Variants in NOCT observed in about 807,000 individuals in gnomAD.
The protein encoded by NOCT is CCR4 carbon catabolite repression 4-like.
Under a neutral mutation model 35.0 loss-of-function variants are expected in NOCT, and 18 were observed. The observed-to-expected ratio is 0.51, with a 90% CI of 0.36 to 0.76. The LOEUF (loss-of-function observed/expected upper bound fraction) is 0.76. Ranked by LOEUF, NOCT falls within the 30% of genes least tolerant of loss-of-function variation. The probability of loss-of-function intolerance (pLI) is 0.01; values close to 1 mark genes in which losing one functional copy is unlikely to be tolerated. For synonymous variants in NOCT, 235 were observed against 226.3 expected (o/e 1.04, Z -0.34); for missense variants, 479 against 541.0 (o/e 0.89, Z 1.14).
intron 1 of NOCT, among the ~76,000 whole-genome samples, chr4:139,037,060 A>C (rs1726748968): frequency 2.6e-5 from 4 of 152,178 alleles, no homozygotes; most frequent in Non-Finnish European, 5.9e-5. Flanking sequence ...CAGGTACTTT[A>C]GTATTAGAGG....
In NOCT at chr4:139,044,731, G is replaced by A; in HGVS notation, c.553G>A (p.Ala185Thr). The change falls in exon 3 of 3, where the codon GCC (alanine) becomes ACC (threonine). Residue 185 changes from alanine (A) to threonine (T), a missense_variant. This residue lies in a region of NOCT where 265 missense variants were observed against 257.0 expected (regional missense o/e 1.03). Coordinates refer to ENST00000280614, the MANE Select transcript of NOCT (RefSeq NM_012118.4). ...ATGTCTCATCCTGGAAGAAATCCTG[G>A]CCTACCAGCCTGATATATTGTGCCT... ...RKCLILEEIL[A>T]YQPDILCLQE... 6.2e-7 allele frequency: 1 copy of A among 1,614,142 alleles called. No individual in the cohort carries two copies. Among genetic ancestry groups the A allele is most frequent in the African/African-American group, 1.3e-5 (1 of 75,032 alleles).
At chr4:139,016,397 A>G (rs1212826158) in intron 1 of NOCT, among the ~76,000 whole-genome samples, 1 of 151,942 alleles carries the variant, frequency 6.6e-6, no homozygotes, top group Admixed American at 6.6e-5. Flanking sequence ...GGGAGACTGT[A>G]TTCAGGTTCC....
intron 1 of NOCT, among the ~76,000 whole-genome samples, chr4:139,026,456 G>C (rs1726517293): frequency 1.3e-5 from 2 of 152,136 alleles, no homozygotes; most frequent in South Asian, 4.1e-4. Flanking sequence ...TCAAACCCCT[G>C]GGTTTAAGGG....
At chr4:139,034,402 T>G (rs2148645597) in intron 1 of NOCT, among the ~76,000 whole-genome samples, 1 of 152,308 alleles carries the variant, frequency 6.6e-6, no homozygotes, top group South Asian at 2.1e-4. Context: ...CCCTCAGTCT[T>G]CAGTCTTCTT....
intron 1 of NOCT, among the ~76,000 whole-genome samples, chr4:139,034,232 C>T (rs1726683709): frequency 6.6e-6 from 1 of 151,896 alleles, no homozygotes; most frequent in Non-Finnish European, 1.5e-5. Context: ...CCACCCCCCA[C>T]CTTATTGGTA....
intron 1 of NOCT, among the ~76,000 whole-genome samples, chr4:139,042,494 A>G (rs898625402): frequency 2.0e-5 from 3 of 152,232 alleles, no homozygotes; most frequent in African/African-American, 7.2e-5. Context: ...CATCAAGATC[A>G]AAGTATTTCT....
At chr4:139,043,449 C>A in intron 2 of NOCT, 106 bp downstream of exon 2, 1 of 1,100,678 alleles carries the variant, frequency 9.1e-7, no homozygotes, top group Non-Finnish European at 1.4e-6. Flanking sequence ...GAGGTGTGGG[C>A]AGATGGAGGT....
chr4:139,027,541 C>T (rs1408896325), intron 1 of NOCT, among the ~76,000 whole-genome samples: 5 of 151,934 alleles, frequency 3.3e-5, no homozygotes, highest in African/African-American at 4.8e-5. Flanking sequence ...GCTCTGTCGC[C>T]CAGGCTGGAG....
intron 1 of NOCT, among the ~76,000 whole-genome samples, chr4:139,036,547 T>G (rs1218612817): frequency 3.9e-5 from 6 of 152,224 alleles, no homozygotes; most frequent in Non-Finnish European, 8.8e-5. Context: ...CGAAGTCCTT[T>G]TCTGGTTACT....
chr4:139,037,224 T>G (rs978572992), intron 1 of NOCT, among the ~76,000 whole-genome samples: 2 of 152,172 alleles, frequency 1.3e-5, no homozygotes, highest in Non-Finnish European at 2.9e-5. Context: ...ACCTAGTCTC[T>G]TATTCAAAAT....
At chr4:139,028,805 A>T (rs532438029) in intron 1 of NOCT, among the ~76,000 whole-genome samples, 1 of 152,296 alleles carries the variant, frequency 6.6e-6, no homozygotes, top group South Asian at 2.1e-4. Context: ...AGTCTGGCAC[A>T]TTATCTCGAA....
Position 139,045,297 on chromosome 4 carries a change from G to A in NOCT, c.1119G>A (p.Arg373=). The stretch of plus-strand genomic sequence containing the variant: ...AGATCCGGACCTCAGGGGAGTGCAG[G>A]CACACCCTGGATTACATCTGGTATT... ...TWKIRTSGEC[R]HTLDYIWYSK... The change falls in exon 3 of 3, where the codon AGG becomes AGA. Residue 373 remains arginine (R), a synonymous_variant. Transcript: ENST00000280614. The A allele has an allele frequency of 6.2e-7, 1 of 1,614,086 alleles. No homozygotes were observed. Among genetic ancestry groups the A allele is most frequent in the Non-Finnish European group, 8.5e-7 (1 of 1,180,014 alleles).
At chr4:139,030,288 G>C (rs1288985382) in intron 1 of NOCT, among the ~76,000 whole-genome samples, 1 of 152,162 alleles carries the variant, frequency 6.6e-6, no homozygotes, top group Non-Finnish European at 1.5e-5. Flanking sequence ...GCAGGTAACT[G>C]GTTACAGCAA....
chr4:139,034,586 G>T (rs77447022), intron 1 of NOCT, among the ~76,000 whole-genome samples: 27,805 of 151,832 alleles, frequency 0.18, 2,799 homozygotes, highest in South Asian at 0.32. Flanking sequence ...TGTGGTGGTG[G>T]TGGTGAAAGG....
chr4:139,037,884 C>CA (rs770715657), intron 1 of NOCT, among the ~76,000 whole-genome samples: 1 of 147,018 alleles, frequency 6.8e-6, no homozygotes, highest in Non-Finnish European at 1.5e-5. Context: ...GAGGCCCTTA[C>CA]AAAAAACAGG....
chr4:139,029,748 T>C (rs1726592904), intron 1 of NOCT, among the ~76,000 whole-genome samples: 1 of 152,184 alleles, frequency 6.6e-6, no homozygotes, highest in South Asian at 2.1e-4. Flanking sequence ...TGGAAATTCA[T>C]GTCATATAAG....
chr4:139,026,106 T>A (rs977895473), intron 1 of NOCT, among the ~76,000 whole-genome samples: 2 of 152,168 alleles, frequency 1.3e-5, no homozygotes, highest in African/African-American at 4.8e-5. Context: ...CAATTTTATT[T>A]TTTATTTATT....
intron 1 of NOCT, among the ~76,000 whole-genome samples, chr4:139,027,538 C>T (rs972922596): frequency 4.3e-4 from 65 of 151,778 alleles, no homozygotes; most frequent in African/African-American, 1.4e-3. Context: ...CTGGCTCTGT[C>T]GCCCAGGCTG....
At chr4:139,043,859 G>A (rs1359914759) in intron 2 of NOCT, 10 of 153,248 alleles carry the variant, frequency 6.5e-5, no homozygotes, top group Non-Finnish European at 1.5e-4. Flanking sequence ...TGGTTGCAGT[G>A]AGCTGAGATT....
Sources: allele counts gnomAD v4.1 joint callset (sites outside exome capture counted in the v4.1 genomes callset), GRCh38; gene constraint gnomAD v4.1.1; regional missense constraint gnomAD v4.1.1; transcripts MANE v1.5; gene names NCBI Gene and HGNC (gene_info 2026-07-23, HGNC 2026-07-21).